Variants in MAST1 observed in about 807,000 individuals in gnomAD.
MAST1 encodes microtubule-associated serine/threonine-protein kinase 1.
Under a neutral mutation model 124.6 loss-of-function variants are expected in MAST1, and 40 were observed. The ratio of observed to expected loss-of-function variants is 0.32; its 90% confidence interval spans 0.25 to 0.42. The LOEUF (loss-of-function observed/expected upper bound fraction) is 0.42, where lower values mean the gene tolerates loss of function less well. Ranked by LOEUF, MAST1 falls within the 10% of genes least tolerant of loss-of-function variation. The pLI, the probability that MAST1 is intolerant of heterozygous loss-of-function variation, is 1.00. For missense variants in MAST1, 1,558 were observed against 2,181.9 expected (o/e 0.71, Z 5.70); for synonymous variants, 938 against 939.4 (o/e 1.00, Z 0.03).
Position 12,874,121 on chromosome 19 carries a change from G to A in MAST1, c.3964G>A (p.Ala1322Thr). ...GETPPVEGLG[A>T]PRQVAVRRLG... ...GACGCCCCCAGTCGAGGGCCTTGGCGCGCCCCGGCAGGTCGCCGTCCGCCG... is the reference window on the plus strand; with the variant it reads ...GACGCCCCCAGTCGAGGGCCTTGGCACGCCCCGGCAGGTCGCCGTCCGCCG... Residue 1322 changes from alanine to threonine, a missense_variant, in exon 26 of 26, where the codon GCG (alanine) becomes ACG (threonine). This residue lies in a region of MAST1 where 263 missense variants were observed against 310.9 expected (regional missense o/e 0.85). Coordinates refer to ENST00000251472, the MANE Select transcript of MAST1 (RefSeq NM_014975.3). The surrounding 1 kb of genome is among the most constrained non-coding windows in gnomAD (Gnocchi z 6.6). 6.5e-7 allele frequency: 1 copy of A among 1,545,678 alleles called. No homozygotes were observed.
At chr19:12,855,552 C>T (rs558516932) in intron 10 of MAST1, among the ~76,000 whole-genome samples, 12 of 152,302 alleles carry the variant, frequency 7.9e-5, no homozygotes, top group East Asian at 1.9e-4. Flanking sequence ...CCTGCCCCTT[C>T]GTCATCCATG....
intron 4 of MAST1, among the ~76,000 whole-genome samples, chr19:12,845,847 C>T (rs1271388456): frequency 3.3e-5 from 5 of 151,864 alleles, no homozygotes; most frequent in African/African-American, 9.7e-5. Flanking sequence ...TTAGTAGAGA[C>T]GGGGTTTCAC....
At chr19:12,864,637 G>C (rs139391074) in intron 12 of MAST1, among the ~76,000 whole-genome samples, 172 bp from the exon 13 acceptor site, 1,639 of 152,278 alleles carry the variant, frequency 0.011, 18 homozygotes, top group Admixed American at 0.026. Context: ...GGATGGCTAA[G>C]AGGACAAGAA....
In MAST1 at chr19:12,867,759, T is replaced by TCCTGGAGGGAGAGGCCAGTCC. The variant is rs1970174768; in HGVS notation, c.2351_2371dup (p.Leu784_Pro790dup). ...CGATTCTCCGCGTCCGAGGCCAGTT[T>TCCTGGAGGGAGAGGCCAGTCC]CCTGGAGGGAGAGGCCAGTCCCCCT... On this transcript the variant is annotated inframe_insertion, in exon 20 of 26. Transcript: ENST00000251472. The TCCTGGAGGGAGAGGCCAGTCC allele has an allele frequency of 6.5e-7, 1 of 1,544,006 alleles. No individual in the cohort carries two copies. Among genetic ancestry groups the TCCTGGAGGGAGAGGCCAGTCC allele is most frequent in the African/African-American group, 1.4e-5 (1 of 71,864 alleles).
rs1355668080 is a variant in MAST1, at chr19:12,852,262, G to A, written c.1009+15G>A. 2.5e-6 allele frequency: 4 copies of A among 1,614,036 alleles called. No individual in the cohort carries two copies. The highest frequency in any genetic ancestry group is 1.1e-5 in the South Asian group (1 of 91,082). On this transcript the variant is annotated intron_variant, in intron 9 of 25. Transcript: ENST00000251472. ...CCCCTTTCCAGGTGCCGGCTGGTGG[G>A]CGCAGGGGGACTGGGGGTGAGCAGG...
In MAST1 at chr19:12,873,248, T is replaced by C. The variant is rs1013902709; in HGVS notation, c.3264-76T>C. ...CAGAAGGGGTGGGTGGTTACCGTTG[T>C]GAGGCCGTGAAATGGGAGGAGCCCT... On this transcript the variant is annotated intron_variant, in intron 24 of 25. Coordinates refer to ENST00000251472, the MANE Select transcript of MAST1 (RefSeq NM_014975.3). 7.6e-5 allele frequency: 110 copies of C among 1,455,330 alleles called. No homozygotes were observed. The African/African-American group carries it at 1.3e-3, about 17-fold the overall frequency. The allele number at this position is 1,455,330 out of a possible 1,614,324, so 90.2% of individuals were successfully genotyped here. A position where few individuals can be genotyped will look rare whatever the true frequency, so the allele number is the denominator to read the frequency against.
chr19:12,852,499 T>C, intron 10 of MAST1, 104 bp downstream of exon 10: 2 of 1,085,800 alleles, frequency 1.8e-6, no homozygotes, highest in Non-Finnish European at 2.8e-6. Flanking sequence ...CTCTTGGTCC[T>C]ACACTCTGAG....
chr19:12,855,536 T>C (rs937179138), intron 10 of MAST1, among the ~76,000 whole-genome samples: 27 of 152,304 alleles, frequency 1.8e-4, no homozygotes, highest in African/African-American at 6.0e-4. Flanking sequence ...CCTGTGATAT[T>C]GGGTACCTGC....
Position 12,847,890 on chromosome 19 carries a change from G to T in MAST1, c.607G>T (p.Ala203Ser), listed in dbSNP as rs1196704164. 6 of 1,613,420 alleles carry T rather than the reference G, an allele frequency of 3.7e-6. No individual in the cohort carries two copies. In the South Asian group the frequency reaches 4.4e-5, roughly 12 times the overall value. The change falls in exon 7 of 26, where the codon GCC becomes TCC. Residue 203 changes from alanine (A) to serine (S), a missense_variant. Ala to Ser is a moderately conservative substitution (Grantham distance 99, BLOSUM62 1). This residue lies in a region of MAST1 where 165 missense variants were observed against 315.3 expected (regional missense o/e 0.52). Coordinates refer to ENST00000251472, the MANE Select transcript of MAST1 (RefSeq NM_014975.3). The surrounding 1 kb of genome is among the most constrained non-coding windows in gnomAD (Gnocchi z 5.5). ...GGAGAAGCTGCGCGACTTTACCCGC[G>T]CCTACGAACCCGACAGCGTTCTGCC... ...MEEKLRDFTRAYEPDSVLPLA... is the reference protein window; with the variant it reads ...MEEKLRDFTRSYEPDSVLPLA...
At chr19:12,870,180 CAAAAAAAAA>C (rs35731863) in intron 22 of MAST1, among the ~76,000 whole-genome samples, 4 of 30,610 alleles carry the variant, frequency 1.3e-4, no homozygotes, top group Non-Finnish European at 1.6e-4. Context: ...GACACCATCT[CAAAAAAAAA>C]AAAAAAAAAA....
rs976744025 is a variant in MAST1, at chr19:12,873,331, C to T, written c.3271C>T (p.Arg1091Cys). 7 of 1,612,716 alleles carry T rather than the reference C, an allele frequency of 4.3e-6. No homozygotes were observed. Among genetic ancestry groups the T allele is most frequent in the Non-Finnish European group, 5.9e-6 (7 of 1,178,958 alleles). Residue 1091 changes from arginine to cysteine, a missense_variant, in exon 25 of 26, where the codon CGC becomes TGC. This residue lies in a region of MAST1 where 291 missense variants were observed against 475.8 expected (regional missense o/e 0.61). Coordinates refer to ENST00000251472, the MANE Select transcript of MAST1 (RefSeq NM_014975.3). ...SAKEGQESKKRSSLFRKITKQ... is the reference protein window; with the variant it reads ...SAKEGQESKKCSSLFRKITKQ... ...CCCCTCCCTGTCCCGCAGCAAGAAGCGCAGCTCCCTCTTCCGGAAGATCAC... is the reference window on the plus strand; with the variant it reads ...CCCCTCCCTGTCCCGCAGCAAGAAGTGCAGCTCCCTCTTCCGGAAGATCAC...
At position 12,841,182 on chromosome 19, in the gene MAST1, C is replaced by T. The variant is rs1969822289; in HGVS notation, c.248+116C>T. 3.2e-6 allele frequency: 2 copies of T among 631,776 alleles called. No homozygotes were observed. Among genetic ancestry groups the T allele is most frequent in the Admixed American group, 2.8e-5 (1 of 35,816 alleles). The allele number at this position is 631,776 out of a possible 1,614,324, so 39.1% of individuals were successfully genotyped here. On this transcript the variant is annotated intron_variant, in intron 3 of 25. Transcript: ENST00000251472. The surrounding 1 kb of genome is among the most constrained non-coding windows in gnomAD (Gnocchi z 4.3). ...CCGAGCTGGGGCCTGAGGGGACCAG[C>T]GAGTGCCCCAAGGTCTCAGCGGGAA...
chr19:12,843,460 A>T lies in MAST1; in HGVS notation c.249-69A>T. On this transcript the variant is annotated intron_variant, in intron 3 of 25. Coordinates refer to ENST00000251472, the MANE Select transcript of MAST1 (RefSeq NM_014975.3). This position sits in a 1 kb window ranked among gnomAD's most constrained non-coding sequence, Gnocchi z 4.9. ...CACCCTGGCCCTGGCCAGTGGCTTC[A>T]CCCACACCCTGAGGAGTTGGGGGAC... The T allele has an allele frequency of 1.6e-6, 2 of 1,285,526 alleles. No individual in the cohort carries two copies. Among genetic ancestry groups the T allele is most frequent in the Non-Finnish European group, 2.2e-6 (2 of 895,538 alleles). The allele number at this position is 1,285,526 out of a possible 1,614,324, so 79.6% of individuals were successfully genotyped here.
At position 12,873,995 on chromosome 19, in the gene MAST1, G is replaced by A; in HGVS notation, c.3838G>A (p.Gly1280Ser). 1 of 1,604,058 alleles carries A rather than the reference G, an allele frequency of 6.2e-7. No individual in the cohort carries two copies. The highest frequency in any genetic ancestry group is 8.5e-7 in the Non-Finnish European group (1 of 1,179,340). The stretch of plus-strand genomic sequence containing the variant: ...AGCCTCTTTGAGTGCGGACAAGAAG[G>A]GCGCGCTGCGCAAACACAGCCTCGA... ...LGASLSADKKGALRKHSLEVG... is the reference protein window; with the variant it reads ...LGASLSADKKSALRKHSLEVG... The change falls in exon 26 of 26, where the codon GGC (glycine) becomes AGC (serine). Residue 1280 changes from glycine (G) to serine (S), a missense_variant. By Grantham distance (56) the Gly-to-Ser change is moderately conservative. This residue lies in a region of MAST1 where 263 missense variants were observed against 310.9 expected (regional missense o/e 0.85). Transcript: ENST00000251472.
chr19:12,838,733 G>A lies in MAST1; in HGVS notation c.83+78G>A. On this transcript the variant is annotated intron_variant, in intron 1 of 25. Coordinates refer to ENST00000251472, the MANE Select transcript of MAST1 (RefSeq NM_014975.3). The surrounding 1 kb of genome is among the most constrained non-coding windows in gnomAD (Gnocchi z 4.3). ...GCTCCGGGTACTGCTGCAGGGCGGG[G>A]CCCGGGATGCTGCGCCCGGTCCAGC... The A allele has an allele frequency of 1.5e-6, 2 of 1,325,808 alleles. No individual in the cohort carries two copies. The highest frequency in any genetic ancestry group is 1.3e-5 in the South Asian group (1 of 75,870). 82.1% of individuals were successfully genotyped at this position (1,325,808 alleles called of 1,614,324 possible). A position where few individuals can be genotyped will look rare whatever the true frequency, so the allele number is the denominator to read the frequency against.
In MAST1 at chr19:12,847,721, C is replaced by CA; in HGVS notation, c.564+35dup. 1 of 1,609,032 alleles carries CA rather than the reference C, an allele frequency of 6.2e-7. No individual in the cohort carries two copies. The highest frequency in any genetic ancestry group is 8.5e-7 in the Non-Finnish European group (1 of 1,176,876). On this transcript the variant is annotated intron_variant, in intron 6 of 25. Transcript: ENST00000251472. The surrounding 1 kb of genome is among the most constrained non-coding windows in gnomAD (Gnocchi z 5.5). ...GGACCCGAGGCGGTCACGGGGTGAC[C>CA]AGGCGGCCTGCACTCTCGCTCGCCT...
intron 7 of MAST1, 43 bp downstream of exon 7, chr19:12,848,100 G>T: frequency 6.4e-7 from 1 of 1,555,244 alleles, no homozygotes; most frequent in Non-Finnish European, 8.8e-7. Flanking sequence ...GCTCAGCACC[G>T]CCAGATTGTG....
In MAST1 at chr19:12,847,166, G is replaced by GT; in HGVS notation, c.328-123dup. The GT allele has an allele frequency of 1.5e-6, 1 of 671,334 alleles. No individual in the cohort carries two copies. The highest frequency in any genetic ancestry group is 2.6e-6 in the Non-Finnish European group (1 of 382,072). 41.6% of individuals were successfully genotyped at this position (671,334 alleles called of 1,614,324 possible). On this transcript the variant is annotated intron_variant, in intron 4 of 25. Transcript: ENST00000251472. This position sits in a 1 kb window ranked among gnomAD's most constrained non-coding sequence, Gnocchi z 5.5. ...GCCAAGATCCTAGGATCCAAGGATCGTAAATCAGGTCCTGATCCTGGCCTT... is the reference window on the plus strand; with the variant it reads ...GCCAAGATCCTAGGATCCAAGGATCGTTAAATCAGGTCCTGATCCTGGCCTT...
rs11881718 is a variant in MAST1 at position 12,851,898 on chromosome 19, C to A, written c.775-36C>A. 1,950 of 1,525,526 alleles carry A rather than the reference C, an allele frequency of 1.3e-3. 20 individuals carry two copies. The African/African-American group carries it at 0.023, about 18-fold the overall frequency. 94.5% of individuals were successfully genotyped at this position (1,525,526 alleles called of 1,614,324 possible). On this transcript the variant is annotated intron_variant, in intron 7 of 25. Coordinates refer to ENST00000251472, the MANE Select transcript of MAST1 (RefSeq NM_014975.3). ...AGAGGGGCCGGGCTGAGGCAGAGTG[C>A]CTATGAGCCCTGTCCCTCTGTGTCC...
Sources: allele counts gnomAD v4.1 joint callset (sites outside exome capture counted in the v4.1 genomes callset), GRCh38; gene constraint gnomAD v4.1.1; regional missense constraint gnomAD v4.1.1; non-coding constraint Gnocchi (gnomAD v3.1); transcripts MANE v1.5; gene names NCBI Gene and HGNC (gene_info 2026-07-23, HGNC 2026-07-21).